The following HERC4 variants were observed in gnomAD, a reference collection of about 807,000 sequenced individuals.
HERC4 encodes the protein probable E3 ubiquitin-protein ligase HERC4.
In HERC4, 28 loss-of-function variants were observed where a neutral mutation model predicts 124.3. That is an observed-to-expected ratio of 0.23 (90% confidence interval 0.17 to 0.31). The LOEUF (loss-of-function observed/expected upper bound fraction) is 0.31. Ranked by LOEUF, HERC4 falls within the 10% of genes least tolerant of loss-of-function variation. The probability of loss-of-function intolerance (pLI) is 1.00; values close to 1 mark genes in which losing one functional copy is unlikely to be tolerated. For synonymous variants in HERC4, 407 were observed against 421.5 expected (o/e 0.97, Z 0.42); for missense variants, 713 against 1,229.3 (o/e 0.58, Z 6.28).
intron 15 of HERC4, among the ~76,000 whole-genome samples, chr10:67,979,865 A>T (rs753691720): frequency 1.6e-4 from 24 of 151,806 alleles, no homozygotes; most frequent in Non-Finnish European, 3.1e-4. Flanking sequence ...TGAACCTGAG[A>T]GGTGGAGCTT....
At chr10:67,955,902 T>C (rs1339633422) in intron 17 of HERC4, 1 of 152,256 alleles carries the variant, frequency 6.6e-6, no homozygotes, top group Non-Finnish European at 1.5e-5. Context: ...TTAAAACTTT[T>C]GTTCTTTTAT....
intron 19 of HERC4, among the ~76,000 whole-genome samples, chr10:67,943,572 G>T (rs1191016718): frequency 1.3e-5 from 2 of 152,234 alleles, no homozygotes; most frequent in Non-Finnish European, 2.9e-5. Context: ...TTAGAGTGGG[G>T]TTGAAACTAG....
chr10:68,049,499 G>A (rs1343058258), intron 3 of HERC4, among the ~76,000 whole-genome samples: 1 of 136,298 alleles, frequency 7.3e-6, no homozygotes, highest in South Asian at 2.4e-4. Flanking sequence ...ATCTCACTAT[G>A]AGAACTGCCT....
intron 3 of HERC4, chr10:68,069,371 TG>T (rs1183639048): frequency 4.1e-6 from 4 of 985,110 alleles, no homozygotes; most frequent in Non-Finnish European, 4.8e-6. Context: ...TTCACTTCTC[TG>T]GAAATAATTC....
intron 15 of HERC4, chr10:67,988,255 T>C (rs902743412): frequency 6.6e-6 from 1 of 152,566 alleles, no homozygotes; most frequent in Admixed American, 6.5e-5. Flanking sequence ...AGGCCATTAG[T>C]ACCCTACAGC....
chr10:67,987,730 T>C (rs1183493618), intron 15 of HERC4, among the ~76,000 whole-genome samples: 4 of 151,970 alleles, frequency 2.6e-5, no homozygotes, highest in East Asian at 1.9e-4. Flanking sequence ...AAAAAGTAAG[T>C]CCAGAAAGTT....
intron 16 of HERC4, among the ~76,000 whole-genome samples, chr10:67,957,898 CTG>C (rs2034251885): frequency 6.6e-6 from 1 of 152,142 alleles, no homozygotes; most frequent in South Asian, 2.1e-4. Flanking sequence ...ACCTTCGCCT[CTG>C]GGGTTCAAGC....
chr10:68,014,520 C>G (rs1180445117), intron 8 of HERC4, among the ~76,000 whole-genome samples: 1 of 152,150 alleles, frequency 6.6e-6, no homozygotes, highest in Non-Finnish European at 1.5e-5. Context: ...GTCCCCACTA[C>G]TCCCCTTGTC....
chr10:68,024,223 T>A (rs1409520033), intron 8 of HERC4, among the ~76,000 whole-genome samples: 1 of 152,132 alleles, frequency 6.6e-6, no homozygotes, highest in Non-Finnish European at 1.5e-5. Context: ...ATATTCAAAT[T>A]ATGAAATAAC....
Position 67,959,229 on chromosome 10 carries a change from A to G in HERC4, c.1927-2253T>C. ...TTCTATTCAAGGTAGCATTTCATAT[A>G]TTTTGCTACAGCAGAATATTGAAGT... On this transcript the variant is annotated intron_variant, in intron 16 of 24. Transcript: ENST00000373700. The G allele has an allele frequency of 4.2e-6, 5 of 1,191,190 alleles. No homozygotes were observed. In the South Asian group the frequency reaches 7.8e-5, roughly 19 times the overall value. The allele number at this position is 1,191,190 out of a possible 1,614,324, so 73.8% of individuals were successfully genotyped here.
At position 68,072,941 on chromosome 10, in the gene HERC4, G is replaced by A; in HGVS notation, c.168C>T (p.Tyr56=). Residue 56 remains tyrosine, a synonymous_variant, in exon 3 of 25, where the codon TAC becomes TAT. Transcript: ENST00000373700. ...GTCCTAGATCATTACATCCACATGTGTACACTGTTCCATCATCCAGAACAA... is the reference window on the plus strand; with the variant it reads ...GTCCTAGATCATTACATCCACATGTATACACTGTTCCATCATCCAGAACAA... ...TVFVLDDGTV[Y]TCGCNDLGQL... 1.9e-6 allele frequency: 3 copies of A among 1,613,882 alleles called. No homozygotes were observed. The highest frequency in any genetic ancestry group is 8.5e-7 in the Non-Finnish European group (1 of 1,179,872).
At chr10:68,057,986 C>T (rs1271572116) in intron 3 of HERC4, among the ~76,000 whole-genome samples, 1 of 152,160 alleles carries the variant, frequency 6.6e-6, no homozygotes, top group East Asian at 1.9e-4. Context: ...CAGGTGTGAG[C>T]CACCATGCCT....
At chr10:67,992,400 A>G in intron 10 of HERC4, 77 bp from the exon 11 acceptor site, 3 of 1,537,006 alleles carry the variant, frequency 2.0e-6, no homozygotes, top group Middle Eastern at 2.1e-4. Context: ...CCCACCATAT[A>G]TTTGTTCTTT....
intron 15 of HERC4, among the ~76,000 whole-genome samples, chr10:67,977,234 T>G (rs147149248): frequency 6.6e-6 from 1 of 152,188 alleles, no homozygotes; most frequent in Admixed American, 6.5e-5. Flanking sequence ...CACAGCTGGA[T>G]AGGGCACCAG....
intron 23 of HERC4, among the ~76,000 whole-genome samples, chr10:67,927,360 G>A (rs893964531): frequency 3.8e-5 from 5 of 131,946 alleles, no homozygotes; most frequent in African/African-American, 1.5e-4. Flanking sequence ...AGAAATCAAA[G>A]TGTTAAGAAT....
rs764591313 is a variant in HERC4, at chr10:68,032,863, T to C, written c.692A>G (p.Tyr231Cys). 4.1e-6 allele frequency: 6 copies of C among 1,475,896 alleles called. No individual in the cohort carries two copies. The highest frequency in any genetic ancestry group is 1.7e-5 in the Admixed American group (1 of 59,564). The allele number at this position is 1,475,896 out of a possible 1,614,324, so 91.4% of individuals were successfully genotyped here. Residue 231 changes from tyrosine to cysteine, a missense_variant, in exon 7 of 25, where the codon TAT (tyrosine) becomes TGT (cysteine). By Grantham distance (194) the Tyr-to-Cys change is radical. Coordinates refer to ENST00000373700, the MANE Select transcript of HERC4 (RefSeq NM_015601.4). Reference sequence around the variant, plus strand: ...TAGTGACTTTAGTAAATTAGGAACATACCTATCTGAAAATTCCAACAAGAG... The same window carrying C: ...TAGTGACTTTAGTAAATTAGGAACACACCTATCTGAAAATTCCAACAAGAG... ...QLGLNDENDR[Y>C]VPNLLKSLRS...
At chr10:68,042,016 C>T (rs530070587) in intron 4 of HERC4, among the ~76,000 whole-genome samples, 48 of 152,136 alleles carry the variant, frequency 3.2e-4, no homozygotes, top group Non-Finnish European at 6.3e-4. Context: ...TTTCTGATTA[C>T]TCTTTTTTTT....
At chr10:67,954,484 A>G (rs1285768541) in intron 19 of HERC4, 111 bp downstream of exon 19, 7 of 814,180 alleles carry the variant, frequency 8.6e-6, no homozygotes, top group East Asian at 8.5e-5. Context: ...AGCAGATCTT[A>G]TATGTTAGGG....
chr10:68,039,291 G>C (rs1327010270), intron 4 of HERC4: 1 of 1,255,114 alleles, frequency 8.0e-7, no homozygotes. Flanking sequence ...ACTCCAGAAT[G>C]GGCGATAGAG....
Sources: allele counts gnomAD v4.1 joint callset (sites outside exome capture counted in the v4.1 genomes callset), GRCh38; gene constraint gnomAD v4.1.1; transcripts MANE v1.5; gene names NCBI Gene and HGNC (gene_info 2026-07-23, HGNC 2026-07-21).